Variants in FDFT1 observed in about 807,000 individuals in gnomAD.
The protein encoded by FDFT1 is farnesyl-diphosphate farnesyltransferase 1.
In FDFT1, 68 loss-of-function variants were observed where a neutral mutation model predicts 46.8. The observed-to-expected ratio is 1.45, with a 90% CI of 1.19 to 1.78. The LOEUF is 1.78. Among genes scored for constraint, FDFT1 ranks in the 40% most tolerant of loss-of-function variants. FDFT1 has a pLI of 0.00. For synonymous variants in FDFT1, 351 were observed against 185.1 expected, an observed-to-expected ratio of 1.90 and a Z score of -7.28; for missense variants, 928 against 524.4, an observed-to-expected ratio of 1.77 and a Z score of -7.52.
chr8:11,804,572 C>G (rs922113725), intron 1 of FDFT1, among the ~76,000 whole-genome samples: 1 of 150,764 alleles, frequency 6.6e-6, no homozygotes, highest in Non-Finnish European at 1.5e-5. Flanking sequence ...AAATACATTT[C>G]CCTTCACTTA....
chr8:11,803,098 G>A (rs1457208266), intron 1 of FDFT1, 167 bp downstream of exon 1: 2 of 1,437,016 alleles, frequency 1.4e-6, no homozygotes, highest in Non-Finnish European at 1.8e-6. Flanking sequence ...TAGGGCCCGG[G>A]TGGACGCGGC....
upstream of FDFT1, among the ~76,000 whole-genome samples, chr8:11,801,243 T>C (rs1213353086): frequency 6.6e-6 from 1 of 152,166 alleles, no homozygotes; most frequent in Non-Finnish European, 1.5e-5. Context: ...GGCTGCAGCC[T>C]CTCAGGATCC....
intron 5 of FDFT1, among the ~76,000 whole-genome samples, chr8:11,828,306 A>G (rs1422180395): frequency 6.6e-6 from 1 of 152,006 alleles, no homozygotes; most frequent in Non-Finnish European, 1.5e-5. Flanking sequence ...CAAACAAACA[A>G]CAACAAAAAA....
At chr8:11,823,717 G>A (rs959661010) in intron 4 of FDFT1, among the ~76,000 whole-genome samples, 3 of 151,932 alleles carry the variant, frequency 2.0e-5, no homozygotes, top group East Asian at 1.9e-4. Context: ...CCACAGGCAC[G>A]TTGCCACCAT....
intron 5 of FDFT1, 104 bp from the exon 6 acceptor site, chr8:11,830,140 C>A (rs982791796): frequency 5.1e-6 from 5 of 985,992 alleles, no homozygotes; most frequent in Non-Finnish European, 8.0e-6. Context: ...GCCACGGCGC[C>A]CAGCCTGTAT....
chr8:11,831,560 C>A lies in FDFT1; in HGVS notation c.922C>A (p.Gln308Lys), dbSNP rs1810795408. Residue 308 changes from glutamine (Q) to lysine (K), a missense_variant, in exon 7 of 8, where the codon CAG becomes AAG. Physicochemically the swap from Gln to Lys is moderately conservative, Grantham distance 53. Coordinates refer to ENST00000220584, the MANE Select transcript of FDFT1 (RefSeq NM_004462.5). ...TTTGGCTGCCTGTTATAATAACCAGCAGGTGTTCAAAGGGGCAGTGAAGAT... is the reference window on the plus strand; with the variant it reads ...TTTGGCTGCCTGTTATAATAACCAGAAGGTGTTCAAAGGGGCAGTGAAGAT... Reference protein sequence around the residue: ...ATLAACYNNQQVFKGAVKIRK... With the variant: ...ATLAACYNNQKVFKGAVKIRK... 1.2e-6 allele frequency: 2 copies of A among 1,613,948 alleles called. No homozygotes were observed. Among genetic ancestry groups the A allele is most frequent in the African/African-American group, 1.3e-5 (1 of 74,930 alleles).
rs543692191 is a variant in FDFT1, at chr8:11,816,386, T to G, written c.382-5364T>G. On this transcript the variant is annotated intron_variant, in intron 3 of 7. Transcript: ENST00000220584. ...GCTTCCATGTGAAATTTAAAGTAGT[T>G]TTTTCCAATTCTGTGAAGAAAGTCA... 4.6e-5 allele frequency among the ~76,000 whole-genome samples: 7 copies of G among 152,326 alleles called. 1 individual carries two copies. Among genetic ancestry groups the G allele is most frequent in the African/African-American group, 1.7e-4 (7 of 41,570 alleles).
chr8:11,826,754 G>A (rs1053411268), intron 5 of FDFT1, among the ~76,000 whole-genome samples: 1 of 152,230 alleles, frequency 6.6e-6, no homozygotes, highest in Non-Finnish European at 1.5e-5. Flanking sequence ...AGCAGAGATT[G>A]CGGTGAGCTC....
chr8:11,803,157 C>A, intron 1 of FDFT1: 2 of 1,422,000 alleles, frequency 1.4e-6, no homozygotes, highest in Non-Finnish European at 1.8e-6. Context: ...TGGGCATGAG[C>A]GACTTTTGCG....
chr8:11,806,241 G>C (rs1806813996), intron 1 of FDFT1, among the ~76,000 whole-genome samples: 1 of 152,084 alleles, frequency 6.6e-6, no homozygotes, highest in African/African-American at 2.4e-5. Flanking sequence ...TTGGGAGTGT[G>C]CTGAATCTCA....
intron 3 of FDFT1, among the ~76,000 whole-genome samples, chr8:11,814,187 C>T (rs1295156914): frequency 2.0e-5 from 3 of 152,024 alleles, no homozygotes; most frequent in Non-Finnish European, 4.4e-5. Context: ...CTTGTAGAAT[C>T]ACTGGTTTGT....
At chr8:11,811,682 G>GT (rs1807733436) in intron 3 of FDFT1, among the ~76,000 whole-genome samples, 1 of 152,228 alleles carries the variant, frequency 6.6e-6, no homozygotes, top group South Asian at 2.1e-4. Flanking sequence ...GGGTAGTAGA[G>GT]TTAGAGATTC....
At chr8:11,829,909 G>A (rs550432810) in intron 5 of FDFT1, among the ~76,000 whole-genome samples, 112 of 148,528 alleles carry the variant, frequency 7.5e-4, no homozygotes, top group Non-Finnish European at 1.3e-3. Flanking sequence ...GTGCAATGGC[G>A]AGATCTTGAC....
At chr8:11,833,731 G>A (rs1012054997) in intron 7 of FDFT1, among the ~76,000 whole-genome samples, 1 of 152,186 alleles carries the variant, frequency 6.6e-6, no homozygotes. Flanking sequence ...TGTGACGGCC[G>A]AGTTGAGGAG....
intron 2 of FDFT1, chr8:11,809,317 A>T: frequency 9.2e-7 from 1 of 1,091,072 alleles, no homozygotes; most frequent in South Asian, 3.3e-5. Context: ...TATACTGAGA[A>T]GTTACTGTGT....
chr8:11,827,130 C>CT (rs1196268066), intron 5 of FDFT1, among the ~76,000 whole-genome samples: 1 of 152,116 alleles, frequency 6.6e-6, no homozygotes, highest in Non-Finnish European at 1.5e-5. Context: ...CAGCATTTAC[C>CT]TTTTGCTTTC....
chr8:11,837,259 C>A (rs1233562993), intron 7 of FDFT1, among the ~76,000 whole-genome samples: 2 of 152,196 alleles, frequency 1.3e-5, no homozygotes, highest in Non-Finnish European at 2.9e-5. Flanking sequence ...GAGACAGGGT[C>A]TTGTTCTGTC....
Position 11,808,162 on chromosome 8 carries a change from C to A in FDFT1, c.100-632C>A, listed in dbSNP as rs554546618. ...GGATTCTTGGTAAAACTGGGCGATG[C>A]AAAGACAGATGCGTTGAGTACAAAG... On this transcript the variant is annotated intron_variant, in intron 1 of 7. Coordinates refer to ENST00000220584, the MANE Select transcript of FDFT1 (RefSeq NM_004462.5). 1.5e-5 allele frequency: 11 copies of A among 731,314 alleles called. No homozygotes were observed. The African/African-American group carries it at 2.0e-4, about 14-fold the overall frequency. 45.3% of individuals were successfully genotyped at this position (731,314 alleles called of 1,614,324 possible).
At chr8:11,827,894 A>C (rs565946783) in intron 5 of FDFT1, among the ~76,000 whole-genome samples, 1 of 148,396 alleles carries the variant, frequency 6.7e-6, no homozygotes, top group African/African-American at 2.5e-5. Context: ...ACAAAACAAA[A>C]CAAAACAAAA....
Sources: gnomAD v4.1 joint callset for allele counts (sites outside exome capture counted in the v4.1 genomes callset) on GRCh38, gnomAD v4.1.1 for gene constraint, MANE v1.5 for transcripts, NCBI Gene and HGNC (gene_info 2026-07-23, HGNC 2026-07-21) for gene names.